Variants in NCKAP5 observed in about 807,000 individuals in gnomAD.
NCKAP5 encodes nck-associated protein 5.
A neutral mutation model predicts 167.0 loss-of-function variants in NCKAP5; 92 were observed. That is an observed-to-expected ratio of 0.55 (90% CI 0.47 to 0.66). NCKAP5 has a LOEUF of 0.66. Among genes scored for constraint, NCKAP5 ranks in the 30% least tolerant of loss-of-function variants. The pLI is 0.00. For missense variants in NCKAP5, 2,378 were observed against 2,315.0 expected (o/e 1.03, Z -0.56); for synonymous variants, 891 against 877.4 (o/e 1.02, Z -0.27).
intron 6 of NCKAP5, among the ~76,000 whole-genome samples, chr2:133,067,975 T>C (rs967192302): frequency 2.6e-5 from 4 of 152,130 alleles, no homozygotes; most frequent in African/African-American, 9.7e-5. Context: ...CGATTAGATA[T>C]AGGCTGACCC....
the NCKAP5 span, among the ~76,000 whole-genome samples, chr2:133,660,838 C>A: frequency 2.0e-5 from 3 of 152,030 alleles, no homozygotes; most frequent in African/African-American, 7.3e-5. Flanking sequence ...GAGATTTGCA[C>A]CTTTGCTCAT....
At chr2:133,335,204 T>C (rs951815196) in intron 3 of NCKAP5, among the ~76,000 whole-genome samples, 1 of 152,148 alleles carries the variant, frequency 6.6e-6, no homozygotes, top group Non-Finnish European at 1.5e-5. Context: ...GGGATACAAA[T>C]GAAGGCAATC....
At chr2:133,465,069 A>G (rs1164368538) in intron 3 of NCKAP5, among the ~76,000 whole-genome samples, 2 of 151,716 alleles carry the variant, frequency 1.3e-5, no homozygotes, top group Admixed American at 6.6e-5. Context: ...CAGGTTAGTT[A>G]CATATGTATA....
intron 4 of NCKAP5, among the ~76,000 whole-genome samples, chr2:133,248,378 C>T (rs1348491675): frequency 6.6e-6 from 1 of 152,248 alleles, no homozygotes; most frequent in Admixed American, 6.5e-5. Flanking sequence ...CCCAGAGTTC[C>T]ATCACAAGGC....
At chr2:132,982,812 C>T (rs748531970) in intron 7 of NCKAP5, among the ~76,000 whole-genome samples, 1 of 152,180 alleles carries the variant, frequency 6.6e-6, no homozygotes, top group Non-Finnish European at 1.5e-5. Context: ...TAATGGCTTC[C>T]AACTGCATCC....
chr2:133,105,906 C>G (rs1043097096), intron 6 of NCKAP5, among the ~76,000 whole-genome samples: 1 of 152,168 alleles, frequency 6.6e-6, no homozygotes, highest in Admixed American at 6.5e-5. Flanking sequence ...TGCGCTTTCA[C>G]AGGCATAGAA....
intron 4 of NCKAP5, among the ~76,000 whole-genome samples, chr2:133,217,777 A>C (rs771003685): frequency 1.4e-4 from 21 of 152,280 alleles, no homozygotes; most frequent in Middle Eastern, 3.4e-3. Context: ...GCATAACAGA[A>C]TTTTAAATAA....
the NCKAP5 span, among the ~76,000 whole-genome samples, chr2:133,596,679 T>C: frequency 2.6e-5 from 4 of 151,716 alleles, no homozygotes; most frequent in South Asian, 2.1e-4. Context: ...GGAAAGAAAA[T>C]AGTAAGGTCT....
intron 1 of NCKAP5, among the ~76,000 whole-genome samples, chr2:133,560,743 T>C (rs1424752896): frequency 6.6e-6 from 1 of 152,190 alleles, no homozygotes; most frequent in Non-Finnish European, 1.5e-5. Flanking sequence ...CTCTTTGCTG[T>C]GTCCAAAGTG....
rs1011906144 is a variant in NCKAP5 at position 132,815,749 on chromosome 2, A to G, written c.808-19020T>C. Among the ~76,000 whole-genome samples, 4 of 152,352 alleles carry G rather than the reference A, an allele frequency of 2.6e-5. No individual in the cohort carries two copies. In the South Asian group the frequency reaches 8.3e-4, roughly 32 times the overall value. ...CAAGCCCAGTGCATCATCAAGCTCT[A>G]CATTGGAGCAAAGCCCAGGTCCACA... On this transcript the variant is annotated intron_variant, in intron 11 of 19. Coordinates refer to ENST00000409261, the MANE Select transcript of NCKAP5 (RefSeq NM_207363.3).
intron 8 of NCKAP5, among the ~76,000 whole-genome samples, chr2:132,951,554 C>T (rs1447564525): frequency 1.3e-5 from 2 of 152,146 alleles, no homozygotes; most frequent in African/African-American, 4.8e-5. Context: ...TGTAGTGAGG[C>T]TCTAGGGTTG....
Position 133,314,913 on chromosome 2 carries a change from C to T in NCKAP5, c.70-11803G>A, listed in dbSNP as rs10928449. Among the ~76,000 whole-genome samples the T allele has an allele frequency of 4.6e-3, 699 of 152,242 alleles. 5 individuals carry two copies. Among genetic ancestry groups the T allele is most frequent in the Non-Finnish European group, 7.1e-3 (486 of 68,000 alleles). On this transcript the variant is annotated intron_variant, in intron 3 of 19. Transcript: ENST00000409261. ...AGGTGGCTACTTTGGGAGGCTCATT[C>T]TAGGCAGACAAAACCAGCGTAAAGG...
chr2:133,271,907 T>C (rs2089528453), intron 4 of NCKAP5, among the ~76,000 whole-genome samples: 1 of 152,174 alleles, frequency 6.6e-6, no homozygotes, highest in African/African-American at 2.4e-5. Flanking sequence ...ACACACATTT[T>C]GGAAAAAATA....
At chr2:133,432,411 A>G (rs2151130561) in intron 3 of NCKAP5, among the ~76,000 whole-genome samples, 1 of 152,302 alleles carries the variant, frequency 6.6e-6, no homozygotes. Context: ...TCCTGGTAGC[A>G]CGGATCACTG....
At chr2:133,605,239 G>A in the NCKAP5 span, among the ~76,000 whole-genome samples, 6 of 152,232 alleles carry the variant, frequency 3.9e-5, no homozygotes, top group East Asian at 1.9e-4. Flanking sequence ...CTCCTTGCTC[G>A]CTTTAAATTG....
the NCKAP5 span, among the ~76,000 whole-genome samples, chr2:133,620,692 T>C: frequency 6.6e-6 from 1 of 152,236 alleles, no homozygotes; most frequent in South Asian, 2.1e-4. Flanking sequence ...AATACTCCAC[T>C]GACAGCACGA....
chr2:133,511,863 C>A (rs1272989089), intron 3 of NCKAP5, among the ~76,000 whole-genome samples: 1 of 152,156 alleles, frequency 6.6e-6, no homozygotes, highest in Non-Finnish European at 1.5e-5. Flanking sequence ...TCCCAGAGGA[C>A]AACTTGGCAG....
chr2:133,365,524 T>TACAC (rs3083042), intron 3 of NCKAP5, among the ~76,000 whole-genome samples: 2,789 of 149,290 alleles, frequency 0.019, 36 homozygotes, highest in African/African-American at 0.027. Context: ...ATACTTAGCC[T>TACAC]ACACACACAC....
At chr2:132,894,522 C>T (rs568308312) in intron 8 of NCKAP5, among the ~76,000 whole-genome samples, 4 of 152,216 alleles carry the variant, frequency 2.6e-5, no homozygotes, top group East Asian at 1.9e-4. Context: ...GCAGTCACAG[C>T]GACCTCTCTC....
Sources: gnomAD v4.1 joint callset for allele counts (sites outside exome capture counted in the v4.1 genomes callset) on GRCh38, gnomAD v4.1.1 for gene constraint, MANE v1.5 for transcripts, NCBI Gene and HGNC (gene_info 2026-07-23, HGNC 2026-07-21) for gene names.